Variants in MCC observed in about 807,000 individuals in gnomAD.
MCC encodes the protein MCC regulator of Wnt signaling pathway.
MCC carries 90 observed loss-of-function variants against 116.2 expected under a neutral mutation model. The ratio of observed to expected loss-of-function variants is 0.77; its 90% CI spans 0.65 to 0.92. The LOEUF is 0.92. Ranked by LOEUF, MCC falls within the 40% of genes least tolerant of loss-of-function variation. The pLI is 0.00. For missense variants in MCC, 1,516 were observed against 1,312.2 expected (o/e 1.16, Z -2.40); for synonymous variants, 578 against 510.5 (o/e 1.13, Z -1.78).
Position 113,374,221 on chromosome 5 carries a change from T to G in MCC, c.415+10747A>C, listed in dbSNP as rs531837437. ...GCTTCTACTTTTTTTTTTTTTGTTT[T>G]TTTTTTTAATAGCAAAGCCATTGCA... On this transcript the variant is annotated intron_variant, in intron 2 of 18. Coordinates refer to ENST00000408903, the MANE Select transcript of MCC (RefSeq NM_001085377.2). 1.8e-4 allele frequency among the ~76,000 whole-genome samples: 27 copies of G among 149,138 alleles called. 1 individual carries two copies. The East Asian group carries it at 3.9e-3, about 21-fold the overall frequency.
rs763703846 is a variant in MCC, at chr5:113,122,841, G to C, written c.885-15C>G. ...CATCTTCCTCCCTGAGAAAAAAGGA[G>C]AATTGGCAACCACTAACAGAGGATA... On this transcript the variant is annotated splice_polypyrimidine_tract_variant and intron_variant, in intron 5 of 18. Transcript: ENST00000408903. 9 of 1,613,858 alleles carry C rather than the reference G, an allele frequency of 5.6e-6. No individual in the cohort carries two copies. The East Asian group carries it at 1.3e-4, about 24-fold the overall frequency.
chr5:113,194,588 T>C (rs1330894731), intron 3 of MCC, among the ~76,000 whole-genome samples: 3 of 151,562 alleles, frequency 2.0e-5, no homozygotes, highest in African/African-American at 7.3e-5. Flanking sequence ...AGCCCAAGAG[T>C]TGGAGGCTGC....
chr5:113,299,192 G>A (rs1446682941), intron 3 of MCC, among the ~76,000 whole-genome samples: 2 of 151,686 alleles, frequency 1.3e-5, no homozygotes, highest in African/African-American at 2.4e-5. Context: ...GGAGGCTGAG[G>A]CAGGAGAATC....
chr5:113,231,309 A>T (rs1214962261), intron 3 of MCC, among the ~76,000 whole-genome samples: 1 of 152,140 alleles, frequency 6.6e-6, no homozygotes, highest in Non-Finnish European at 1.5e-5. Flanking sequence ...CAACTCTTTA[A>T]TTTAGGAGTT....
intron 3 of MCC, among the ~76,000 whole-genome samples, chr5:113,192,154 C>G (rs1483244808): frequency 1.3e-5 from 2 of 152,186 alleles, no homozygotes. Flanking sequence ...CTTCCTTCAC[C>G]ATGGCACCCA....
At chr5:113,317,651 C>T (rs535272072) in intron 3 of MCC, among the ~76,000 whole-genome samples, 10 of 152,224 alleles carry the variant, frequency 6.6e-5, no homozygotes, top group Non-Finnish European at 1.5e-4. Context: ...ATTCACAATT[C>T]TGGAGCAAAA....
chr5:113,071,364 G>T, intron 11 of MCC, 130 bp from the exon 12 acceptor site: 1 of 908,528 alleles, frequency 1.1e-6, no homozygotes, highest in Non-Finnish European at 1.7e-6. Flanking sequence ...AGCTGACACA[G>T]TATTTTGTCA....
At chr5:113,266,513 C>A (rs1765423318) in intron 3 of MCC, among the ~76,000 whole-genome samples, 1 of 152,138 alleles carries the variant, frequency 6.6e-6, no homozygotes, top group African/African-American at 2.4e-5. Flanking sequence ...GAGGGATGGG[C>A]AGAAGATGGG....
At chr5:113,235,155 T>A (rs1239026682) in intron 3 of MCC, among the ~76,000 whole-genome samples, 1 of 152,312 alleles carries the variant, frequency 6.6e-6, no homozygotes, top group South Asian at 2.1e-4. Context: ...TTTAAACTGC[T>A]CCACAATAAA....
chr5:113,075,204 G>A lies in MCC; in HGVS notation c.1785-3970C>T, dbSNP rs549466255. ...GGCCAGCAGCTGTGGAGGGTGCACC[G>A]GGTACCACAGCACTTCCGGCCCGCT... On this transcript the variant is annotated intron_variant, in intron 11 of 18. Transcript: ENST00000408903. Among the ~76,000 whole-genome samples the A allele has an allele frequency of 1.9e-3, 289 of 152,332 alleles. 1 individual carries two copies. Among genetic ancestry groups the A allele is most frequent in the African/African-American group, 6.6e-3 (274 of 41,568 alleles).
intron 2 of MCC, among the ~76,000 whole-genome samples, chr5:113,380,512 T>C (rs928577640): frequency 1.4e-4 from 21 of 152,150 alleles, no homozygotes; most frequent in African/African-American, 4.8e-4. Flanking sequence ...ATTCATTCAT[T>C]CATTCATTCA....
intron 1 of MCC, among the ~76,000 whole-genome samples, chr5:113,406,590 G>T (rs144590882): frequency 1.3e-5 from 2 of 152,248 alleles, no homozygotes; most frequent in East Asian, 3.9e-4. Context: ...ATACTCACTA[G>T]TGAAAGTATA....
At chr5:113,375,700 T>C (rs1768964802) in intron 2 of MCC, among the ~76,000 whole-genome samples, 1 of 152,166 alleles carries the variant, frequency 6.6e-6, no homozygotes, top group Admixed American at 6.5e-5. Context: ...GTCTTTCAAC[T>C]TTTGTTAGTC....
In MCC at chr5:113,071,146, C is replaced by A. The variant is rs753748178; in HGVS notation, c.1873G>T (p.Val625Leu). 3.7e-6 allele frequency: 6 copies of A among 1,614,154 alleles called. No individual in the cohort carries two copies. The highest frequency in any genetic ancestry group is 5.1e-6 in the Non-Finnish European group (6 of 1,180,034). Residue 625 changes from valine (V) to leucine (L), a missense_variant, in exon 12 of 19, where the codon GTG (valine) becomes TTG (leucine). Val to Leu is a conservative substitution (Grantham distance 32). Coordinates refer to ENST00000408903, the MANE Select transcript of MCC (RefSeq NM_001085377.2). ...GTGGCATTGGATTCGTATTTTCCCA[C>A]CAGCATGCTCATCCTCTCGGCATTG... ...KSNAERMSMLVGKYESNATAL... is the reference protein window; with the variant it reads ...KSNAERMSMLLGKYESNATAL...
At chr5:113,451,963 G>C (rs1430583361) in intron 1 of MCC, among the ~76,000 whole-genome samples, 1 of 152,228 alleles carries the variant, frequency 6.6e-6, no homozygotes, top group Non-Finnish European at 1.5e-5. Context: ...AGGCTGGAAT[G>C]ATCAAGATGG....
chr5:113,457,515 C>T (rs1010421303), intron 1 of MCC, among the ~76,000 whole-genome samples: 4 of 152,198 alleles, frequency 2.6e-5, no homozygotes, highest in South Asian at 4.2e-4. Context: ...ATCACCCAAG[C>T]GCTGAGGAGT....
intron 3 of MCC, among the ~76,000 whole-genome samples, chr5:113,179,985 A>G (rs1023248094): frequency 1.3e-5 from 2 of 152,230 alleles, no homozygotes. Context: ...CTGAAGATGT[A>G]GCTTCAGACG....
intron 2 of MCC, among the ~76,000 whole-genome samples, chr5:113,365,313 C>A (rs892495593): frequency 4.6e-5 from 7 of 152,084 alleles, no homozygotes; most frequent in African/African-American, 1.7e-4. Context: ...TCCACAGATC[C>A]CTAGAGCAGA....
chr5:113,107,772 TAATGAC>T (rs1756834494), intron 6 of MCC, among the ~76,000 whole-genome samples: 1 of 152,144 alleles, frequency 6.6e-6, no homozygotes, highest in Admixed American at 6.5e-5. Context: ...CCTGATGCAA[TAATGAC>T]AATGGACATG....
Sources: gnomAD v4.1 joint callset for allele counts (sites outside exome capture counted in the v4.1 genomes callset) on GRCh38, gnomAD v4.1.1 for gene constraint, MANE v1.5 for transcripts, NCBI Gene and HGNC (gene_info 2026-07-23, HGNC 2026-07-21) for gene names.